Variants in SLC27A2 observed in about 807,000 individuals in gnomAD.
The protein encoded by SLC27A2 is solute carrier family 27 member 2.
In SLC27A2, 54 loss-of-function variants were observed where a neutral mutation model predicts 60.0. That is an observed-to-expected ratio of 0.90 (90% confidence interval 0.72 to 1.13). The LOEUF is 1.13. Ranked by LOEUF, SLC27A2 falls within the 50% of genes most tolerant of loss-of-function variation. The probability of loss-of-function intolerance (pLI) is 0.00; values close to 1 mark genes in which losing one functional copy is unlikely to be tolerated. For missense variants in SLC27A2, 739 were observed against 777.6 expected, an observed-to-expected ratio of 0.95 and a Z score of 0.59; for synonymous variants, 297 against 297.6, an observed-to-expected ratio of 1.00 and a Z score of 0.02.
intron 4 of SLC27A2, among the ~76,000 whole-genome samples, chr15:50,214,177 G>T (rs552709305): frequency 1.3e-5 from 2 of 152,016 alleles, no homozygotes; most frequent in Non-Finnish European, 2.9e-5. Context: ...AGGCTACTAT[G>T]AACACCCTTA....
chr15:50,228,495 AT>A (rs66577513), intron 7 of SLC27A2, among the ~76,000 whole-genome samples: 30,749 of 148,664 alleles, frequency 0.21, 3,121 homozygotes, highest in African/African-American at 0.24. Flanking sequence ...CTAAAGTGTG[AT>A]TTTTTTTTTC....
At chr15:50,183,994 C>CTTTTTTTGTTT (rs2044897584) in intron 1 of SLC27A2, among the ~76,000 whole-genome samples, 1 of 91,138 alleles carries the variant, frequency 1.1e-5, no homozygotes. Flanking sequence ...TTTCCTACAT[C>CTTTTTTTGTTT]TTTTTTTTTT....
chr15:50,182,739 AG>A lies in SLC27A2; in HGVS notation c.313del (p.Asp105ThrfsTer21). The A allele has an allele frequency of 6.2e-7, 1 of 1,613,912 alleles. No individual in the cohort carries two copies. The highest frequency in any genetic ancestry group is 1.3e-5 in the African/African-American group (1 of 75,042). ...ACGACCACCTCGGCCTGCGCCAGGG[AG>A]ACTGCGTGGCGCTCCTTATGGGTAA... ...LHDHLGLRQG[D>X]CVALLMGNEP... On this transcript the variant is annotated frameshift_variant, in exon 1 of 10. Transcript: ENST00000267842. LOFTEE classifies it high-confidence loss of function.
At chr15:50,220,289 A>G (rs1015386100) in intron 4 of SLC27A2, among the ~76,000 whole-genome samples, 22 of 152,136 alleles carry the variant, frequency 1.4e-4, no homozygotes, top group Non-Finnish European at 2.5e-4. Flanking sequence ...GCCACTAATT[A>G]TTGAACAGGG....
Position 50,182,892 on chromosome 15 carries a change from G to A in SLC27A2, c.465G>A (p.Leu155=). 1 of 1,607,702 alleles carries A rather than the reference G, an allele frequency of 6.2e-7. No individual in the cohort carries two copies. Among genetic ancestry groups the A allele is most frequent in the East Asian group, 2.2e-5 (1 of 44,824 alleles). ...TCCAGTGCTGCGGGGCGAAGGTGCT[G>A]CTGGTGTCGCCAGGTGAGCCCCGAG... ...HCFQCCGAKV[L]LVSPELQAAV... The change falls in exon 1 of 10, where the codon CTG becomes CTA. Residue 155 remains leucine, a synonymous_variant. Coordinates refer to ENST00000267842, the MANE Select transcript of SLC27A2 (RefSeq NM_003645.4).
intron 5 of SLC27A2, among the ~76,000 whole-genome samples, chr15:50,223,417 G>A (rs975737642): frequency 1.3e-5 from 2 of 152,206 alleles, no homozygotes; most frequent in African/African-American, 4.8e-5. Flanking sequence ...AAGTCTTCCT[G>A]ATGCCATTTA....
At chr15:50,206,673 C>G (rs2045115510) in intron 4 of SLC27A2, among the ~76,000 whole-genome samples, 1 of 152,146 alleles carries the variant, frequency 6.6e-6, no homozygotes, top group Non-Finnish European at 1.5e-5. Flanking sequence ...ATTGTCTGCC[C>G]CCCCTCGCCC....
chr15:50,185,043 A>T (rs1265892363), intron 1 of SLC27A2, among the ~76,000 whole-genome samples: 1 of 152,222 alleles, frequency 6.6e-6, no homozygotes, highest in East Asian at 1.9e-4. Context: ...GTACCACTTC[A>T]GGAAGCATTT....
chr15:50,227,707 C>A (rs1435211351), intron 7 of SLC27A2, among the ~76,000 whole-genome samples: 1 of 152,192 alleles, frequency 6.6e-6, no homozygotes, highest in Non-Finnish European at 1.5e-5. Flanking sequence ...AACCATAGCA[C>A]AGTCCTCCAG....
chr15:50,229,164 A>G (rs913171303), intron 8 of SLC27A2, 122 bp downstream of exon 8: 3 of 645,704 alleles, frequency 4.6e-6, no homozygotes, highest in Non-Finnish European at 8.3e-6. Flanking sequence ...TTCAGCTGCC[A>G]GGGAGTAAGG....
chr15:50,218,950 T>G (rs2045222472), intron 4 of SLC27A2, among the ~76,000 whole-genome samples: 1 of 152,192 alleles, frequency 6.6e-6, no homozygotes, highest in South Asian at 2.1e-4. Flanking sequence ...TAGAGGCTGT[T>G]GGAGGATAAG....
intron 1 of SLC27A2, among the ~76,000 whole-genome samples, chr15:50,193,321 T>C (rs1289411015): frequency 6.6e-6 from 1 of 152,226 alleles, no homozygotes; most frequent in Non-Finnish European, 1.5e-5. Flanking sequence ...TGTTTGTTTG[T>C]TTCTCCTCTA....
chr15:50,182,554 G>C lies in SLC27A2; in HGVS notation c.127G>C (p.Val43Leu). 1 of 1,613,232 alleles carries C rather than the reference G, an allele frequency of 6.2e-7. No individual in the cohort carries two copies. Among genetic ancestry groups the C allele is most frequent in the Non-Finnish European group, 8.5e-7 (1 of 1,179,562 alleles). The change falls in exon 1 of 10, where the codon GTG becomes CTG. Residue 43 changes from valine to leucine, a missense_variant. Val to Leu is a conservative substitution (Grantham distance 32). Coordinates refer to ENST00000267842, the MANE Select transcript of SLC27A2 (RefSeq NM_003645.4). The part of the protein sequence containing the change: ...FLKVAAVGRR[V>L]RSYGKRRPAR... The stretch of plus-strand genomic sequence containing the variant: ...GAAGGTGGCCGCCGTGGGCCGGAGG[G>C]TGCGCAGCTACGGGAAGCGGCGGCC...
At chr15:50,202,354 C>A (rs374864344) in intron 2 of SLC27A2, 133 bp from the exon 3 acceptor site, 5 of 825,852 alleles carry the variant, frequency 6.1e-6, no homozygotes, top group Middle Eastern at 3.7e-4. Context: ...AACTCCTGGA[C>A]TAACTGGTCA....
In SLC27A2 at chr15:50,235,343, T is replaced by C. The variant is rs535173178; in HGVS notation, c.1687-577T>C. On this transcript the variant is annotated intron_variant, in intron 9 of 9. Transcript: ENST00000267842. ...AGCAGACTGAGAAAACAGAGTTGTC[T>C]GTAAATGATCCCTCCTTCTAATCCC... Among the ~76,000 whole-genome samples the C allele has an allele frequency of 2.0e-5, 3 of 152,330 alleles. No individual in the cohort carries two copies. The South Asian group carries it at 6.2e-4, about 32-fold the overall frequency.
At chr15:50,225,156 T>TA (rs2045270480) in intron 5 of SLC27A2, among the ~76,000 whole-genome samples, 1 of 152,250 alleles carries the variant, frequency 6.6e-6, no homozygotes. Context: ...AGCTGTCTGC[T>TA]AATACTAAAG....
intron 2 of SLC27A2, among the ~76,000 whole-genome samples, chr15:50,201,176 G>T (rs1188483453): frequency 6.6e-6 from 1 of 152,090 alleles, no homozygotes; most frequent in African/African-American, 2.4e-5. Flanking sequence ...TAGAGGAGGG[G>T]TCTCACTATG....
chr15:50,194,821 A>G (rs1320140116), intron 1 of SLC27A2, among the ~76,000 whole-genome samples: 2 of 152,160 alleles, frequency 1.3e-5, no homozygotes, highest in African/African-American at 4.8e-5. Context: ...AAGGAGGGGA[A>G]TAAAGATTCT....
chr15:50,188,016 GTT>G (rs1466330887), intron 1 of SLC27A2, among the ~76,000 whole-genome samples: 1 of 150,420 alleles, frequency 6.6e-6, no homozygotes, highest in East Asian at 1.9e-4. Context: ...GTACAAGCTA[GTT>G]TTCTCTGTGC....
Sources: allele counts gnomAD v4.1 joint callset (sites outside exome capture counted in the v4.1 genomes callset), GRCh38; gene constraint gnomAD v4.1.1; transcripts MANE v1.5; gene names NCBI Gene and HGNC (gene_info 2026-07-23, HGNC 2026-07-21).